OPRM1: variants seen among roughly 807,000 people sequenced by gnomAD.
The protein encoded by OPRM1 is opioid receptor mu 1.
Under a neutral mutation model 31.8 loss-of-function variants are expected in OPRM1, and 27 were observed. The ratio of observed to expected loss-of-function variants is 0.85; its 90% CI spans 0.63 to 1.17. The LOEUF is 1.17. Among genes scored for constraint, OPRM1 ranks in the 50% most tolerant of loss-of-function variants. The pLI is 0.00. For missense variants in OPRM1, 536 were observed against 511.1 expected (o/e 1.05, Z -0.47); for synonymous variants, 196 against 189.9 (o/e 1.03, Z -0.26).
chr6:154,049,457 G>C (rs1349142820), intron 1 of OPRM1, among the ~76,000 whole-genome samples: 1 of 152,124 alleles, frequency 6.6e-6, no homozygotes, highest in African/African-American at 2.4e-5. Context: ...CTCTATACAT[G>C]TCCACACAGG....
At chr6:154,132,870 C>T (rs780125597), downstream of OPRM1, among the ~76,000 whole-genome samples, 1 of 152,074 alleles carries the variant, frequency 6.6e-6, no homozygotes, top group Non-Finnish European at 1.5e-5. Context: ...GCCTGTAATC[C>T]CAGCACTTTG....
intron 1 of OPRM1, among the ~76,000 whole-genome samples, chr6:154,014,665 T>TA (rs1291558169): frequency 6.6e-6 from 1 of 152,158 alleles, no homozygotes; most frequent in African/African-American, 2.4e-5. Context: ...TGAGCACAGA[T>TA]ATCCTTTCAT....
At chr6:154,140,993 A>G (rs1250307326) in intron 3 of OPRM1, among the ~76,000 whole-genome samples, 1 of 152,222 alleles carries the variant, frequency 6.6e-6, no homozygotes, top group African/African-American at 2.4e-5. Context: ...CAGTTTGATC[A>G]GAGCCTCAGT....
rs1006018674 is a variant in OPRM1 at position 154,243,201 on chromosome 6, A to C, written c.1165-3492A>C. The stretch of plus-strand genomic sequence containing the variant: ...AGGAAATAAGAAAGGTTACCAGTTA[A>C]GGTGATTCCCACAAACCAGGAAGTG... On this transcript the variant is annotated intron_variant, in intron 3 of 3. Transcript: ENST00000337049. 5.3e-5 allele frequency among the ~76,000 whole-genome samples: 8 copies of C among 152,242 alleles called. 1 individual carries two copies. Among genetic ancestry groups the C allele is most frequent in the Admixed American group, 1.3e-4 (2 of 15,288 alleles).
chr6:154,205,646 T>C (rs1431636397), intron 3 of OPRM1, among the ~76,000 whole-genome samples: 1 of 152,164 alleles, frequency 6.6e-6, no homozygotes, highest in Admixed American at 6.5e-5. Flanking sequence ...TTATGTATTA[T>C]TATTTAATTA....
intron 1 of OPRM1, among the ~76,000 whole-genome samples, chr6:154,083,107 A>C (rs1789548432): frequency 6.6e-6 from 1 of 152,204 alleles, no homozygotes; most frequent in South Asian, 2.1e-4. Context: ...ATAATACAAA[A>C]ATGGGAAAGC....
chr6:154,045,908 C>T (rs1781020509), intron 1 of OPRM1, among the ~76,000 whole-genome samples: 1 of 152,230 alleles, frequency 6.6e-6, no homozygotes, highest in African/African-American at 2.4e-5. Flanking sequence ...CTACAAGGCA[C>T]ATCAGAAGGC....
chr6:154,204,478 T>C (rs972051408), intron 3 of OPRM1, among the ~76,000 whole-genome samples: 6 of 152,226 alleles, frequency 3.9e-5, no homozygotes, highest in Non-Finnish European at 5.9e-5. Flanking sequence ...CAGTCAATTG[T>C]TGTTAAGCCC....
chr6:154,051,250 T>A (rs926689692), intron 1 of OPRM1, among the ~76,000 whole-genome samples: 1 of 152,206 alleles, frequency 6.6e-6, no homozygotes, highest in Non-Finnish European at 1.5e-5. Context: ...TTACTCTAAT[T>A]TTTGGTAAAC....
chr6:154,233,104 G>A (rs1779850401), intron 3 of OPRM1, among the ~76,000 whole-genome samples: 1 of 151,900 alleles, frequency 6.6e-6, no homozygotes, highest in Non-Finnish European at 1.5e-5. Context: ...AAGTAGCTGG[G>A]GTTACAGGCA....
At chr6:154,153,250 A>G (rs914454312) in intron 3 of OPRM1, among the ~76,000 whole-genome samples, 3 of 152,210 alleles carry the variant, frequency 2.0e-5, no homozygotes, top group Non-Finnish European at 4.4e-5. Flanking sequence ...GGAGATTTGC[A>G]GTAAGCAGGA....
At chr6:154,019,325 C>A (rs1778205729) in intron 1 of OPRM1, among the ~76,000 whole-genome samples, 1 of 151,854 alleles carries the variant, frequency 6.6e-6, no homozygotes, top group Admixed American at 6.6e-5. Flanking sequence ...CACACACACA[C>A]ACACACAGCC....
chr6:154,106,071 G>C (rs1332291960), intron 3 of OPRM1, among the ~76,000 whole-genome samples: 1 of 152,122 alleles, frequency 6.6e-6, no homozygotes, highest in Non-Finnish European at 1.5e-5. Flanking sequence ...TTCACACACA[G>C]AATCTCTTAC....
In OPRM1 at chr6:154,184,544, T is replaced by C. The variant is rs529660748; in HGVS notation, c.1165-62149T>C. Among the ~76,000 whole-genome samples the C allele has an allele frequency of 4.7e-4, 72 of 151,758 alleles. 3 individuals are homozygous for C. The South Asian group carries it at 0.014, about 29-fold the overall frequency. ...GTGTACATCTATGTATGTGTATGTA[T>C]ATATATATATGCGCATTGGTACATA... On this transcript the variant is annotated intron_variant, in intron 3 of 3. Coordinates refer to the OPRM1 transcript ENST00000337049.
At chr6:154,152,339 G>GGAAAA (rs1798540791) in intron 3 of OPRM1, among the ~76,000 whole-genome samples, 1 of 36,268 alleles carries the variant, frequency 2.8e-5, no homozygotes, top group African/African-American at 9.1e-5. Context: ...AAGAAAGAAA[G>GGAAAA]AAAGAAAGGA....
chr6:154,053,726 G>T (rs186731006), intron 1 of OPRM1, among the ~76,000 whole-genome samples: 1 of 152,250 alleles, frequency 6.6e-6, no homozygotes, highest in East Asian at 1.9e-4. Flanking sequence ...GATCTGCCAT[G>T]CTCAGAGGAA....
chr6:154,039,669 C>G lies in OPRM1; in HGVS notation c.125C>G (p.Ser42Cys). 1 of 1,614,050 alleles carries G rather than the reference C, an allele frequency of 6.2e-7. No homozygotes were observed. Among genetic ancestry groups the G allele is most frequent in the Non-Finnish European group, 8.5e-7 (1 of 1,179,934 alleles). The part of the protein sequence containing the change: ...VNLSHLDGNL[S>C]DPCGPNRTDL... ...TTGTCCCACTTAGATGGCAACCTGT[C>G]CGACCCATGCGGTCCGAACCGCACC... Residue 42 changes from serine to cysteine, a missense_variant, in exon 1 of 4, where the codon TCC (serine) becomes TGC (cysteine). Physicochemically the swap from Ser to Cys is moderately radical, Grantham distance 112. Transcript: ENST00000330432.
chr6:154,233,634 C>T (rs951684608), intron 3 of OPRM1, among the ~76,000 whole-genome samples: 5 of 152,120 alleles, frequency 3.3e-5, no homozygotes, highest in African/African-American at 9.7e-5. Flanking sequence ...GAATTGATTA[C>T]GCTAATGAGG....
intron 1 of OPRM1, among the ~76,000 whole-genome samples, chr6:154,086,335 G>A (rs1285865204): frequency 6.6e-6 from 1 of 152,146 alleles, no homozygotes; most frequent in Non-Finnish European, 1.5e-5. Flanking sequence ...TATCTTTAGA[G>A]GAAGACTTTT....
Sources: gnomAD v4.1 joint callset for allele counts (sites outside exome capture counted in the v4.1 genomes callset) on GRCh38, gnomAD v4.1.1 for gene constraint, MANE v1.5 for transcripts, NCBI Gene and HGNC (gene_info 2026-07-23, HGNC 2026-07-21) for gene names.